Variants in DENND4A observed in about 807,000 individuals in gnomAD.
DENND4A encodes DENN domain containing 4A, also known as C-myc promoter-binding protein.
A neutral mutation model predicts 199.3 loss-of-function variants in DENND4A; 70 were observed. The ratio of observed to expected loss-of-function variants is 0.35; its 90% CI spans 0.29 to 0.43. The LOEUF is 0.43. Among genes scored for constraint, DENND4A ranks in the 20% least tolerant of loss-of-function variants. DENND4A has a pLI of 1.00. For missense variants in DENND4A, 1,723 were observed against 2,255.8 expected (o/e 0.76, Z 4.78); for synonymous variants, 686 against 766.9 (o/e 0.89, Z 1.74).
intron 25 of DENND4A, 115 bp from the exon 26 acceptor site, chr15:65,670,303 T>C: frequency 1.2e-6 from 1 of 852,946 alleles, no homozygotes; most frequent in Non-Finnish European, 1.7e-6. Flanking sequence ...ATTCAGATGC[T>C]ATACACAAAC....
chr15:65,693,496 G>C (rs1017316176), intron 22 of DENND4A, among the ~76,000 whole-genome samples: 4 of 152,038 alleles, frequency 2.6e-5, no homozygotes, highest in African/African-American at 4.8e-5. Context: ...ACTTAAAGCT[G>C]AAAGTATGCC....
chr15:65,676,932 G>A (rs2076400654), intron 23 of DENND4A, among the ~76,000 whole-genome samples: 1 of 152,054 alleles, frequency 6.6e-6, no homozygotes, highest in Non-Finnish European at 1.5e-5. Context: ...TCTCTGACAA[G>A]GTATCACCCA....
chr15:65,663,121 C>T (rs142683239), intron 32 of DENND4A, among the ~76,000 whole-genome samples: 88 of 150,776 alleles, frequency 5.8e-4, no homozygotes, highest in Middle Eastern at 3.5e-3. Flanking sequence ...ATCCCAATGC[C>T]ATTTAATAGT....
At position 65,691,362 on chromosome 15, in the gene DENND4A, G is replaced by C; in HGVS notation, c.3232C>G (p.Leu1078Val). Residue 1078 changes from leucine to valine, a missense_variant, in exon 23 of 33, where the codon CTT becomes GTT. Leu to Val is a conservative substitution (Grantham distance 32). Coordinates refer to ENST00000443035, the MANE Select transcript of DENND4A (RefSeq NM_001320835.1). ...AATCCCATCAGTACCCCTCCACTAA[G>C]ATTACGGTTTCTATTTCCCCAGACC... ...QVVWGNRNRN[L>V]SGGVLMGFML... 1 of 1,613,544 alleles carries C rather than the reference G, an allele frequency of 6.2e-7. No individual in the cohort carries two copies. Among genetic ancestry groups the C allele is most frequent in the Non-Finnish European group, 8.5e-7 (1 of 1,179,728 alleles).
At chr15:65,689,106 T>A (rs1190614831) in intron 23 of DENND4A, among the ~76,000 whole-genome samples, 2 of 152,230 alleles carry the variant, frequency 1.3e-5, no homozygotes, top group Non-Finnish European at 2.9e-5. Context: ...AGGTAATGCA[T>A]CTCTTCTCTC....
At chr15:65,708,959 T>C (rs1245385150) in intron 14 of DENND4A, among the ~76,000 whole-genome samples, 2 of 152,240 alleles carry the variant, frequency 1.3e-5, no homozygotes, top group African/African-American at 4.8e-5. Flanking sequence ...TCCAGCTTTT[T>C]AAAGTCGGTC....
rs545971017 is a variant in DENND4A at position 65,771,830 on chromosome 15, G to A, written c.-101-10392C>T. 354 of 1,613,066 alleles carry A rather than the reference G, an allele frequency of 2.2e-4. 1 individual carries two copies. The African/African-American group carries it at 4.3e-3, about 19-fold the overall frequency. On this transcript the variant is annotated intron_variant, in intron 1 of 32. Transcript: ENST00000443035. ...AGGTCATACTGTTTTCGCTTTTCTG[G>A]ATTACTTAAAACAGCATAAGCATTC...
intron 12 of DENND4A, among the ~76,000 whole-genome samples, chr15:65,720,183 A>G (rs1025550269): frequency 4.7e-4 from 71 of 152,180 alleles, no homozygotes; most frequent in Admixed American, 2.0e-4. Context: ...TCTGATTTTT[A>G]TGGTTACATT....
intron 1 of DENND4A, among the ~76,000 whole-genome samples, chr15:65,784,902 C>T (rs1267985737): frequency 2.0e-5 from 3 of 152,096 alleles, no homozygotes; most frequent in Non-Finnish European, 4.4e-5. Context: ...AATCCCAGCA[C>T]TTTGGGAGCC....
Position 65,788,296 on chromosome 15 carries a change from C to T in DENND4A, c.-102+3714G>A, listed in dbSNP as rs541484518. 8.5e-5 allele frequency among the ~76,000 whole-genome samples: 13 copies of T among 152,164 alleles called. No homozygotes were observed. In the South Asian group the frequency reaches 2.7e-3, roughly 32 times the overall value. Reference sequence around the variant, plus strand: ...TTCACCGTGTTAGCCAGGATGGTCTCGATCTCCTGACCTTGCGATCCGCCC... The same window carrying T: ...TTCACCGTGTTAGCCAGGATGGTCTTGATCTCCTGACCTTGCGATCCGCCC... On this transcript the variant is annotated intron_variant, in intron 1 of 32. Transcript: ENST00000443035.
chr15:65,732,766 G>A lies in DENND4A; in HGVS notation c.1093C>T (p.Arg365Trp). 1.9e-6 allele frequency: 3 copies of A among 1,600,722 alleles called. No individual in the cohort carries two copies. Among genetic ancestry groups the A allele is most frequent in the Non-Finnish European group, 2.6e-6 (3 of 1,169,846 alleles). The change falls in exon 8 of 33, where the codon CGG becomes TGG. Residue 365 changes from arginine (R) to tryptophan (W), a missense_variant. Arg to Trp is a moderately radical substitution (Grantham distance 101). Around this residue, in one of 6 missense-constraint regions of DENND4A, gnomAD observed 725 missense variants for 952.9 expected, o/e 0.76. Coordinates refer to ENST00000443035, the MANE Select transcript of DENND4A (RefSeq NM_001320835.1). Reference sequence around the variant, plus strand: ...AAAAACCTTACCTGAACTAAAATCCGTGGTCTCTGAGGAGATGGAAAAGGA... The same window carrying A: ...AAAAACCTTACCTGAACTAAAATCCATGGTCTCTGAGGAGATGGAAAAGGA... ...KVPFPSPQRP[R>W]ILVQLSPHDN...
At chr15:65,787,100 G>A (rs2077585358) in intron 1 of DENND4A, among the ~76,000 whole-genome samples, 4 of 152,028 alleles carry the variant, frequency 2.6e-5, no homozygotes, top group Admixed American at 2.6e-4. Context: ...GGGTATGTGG[G>A]TGTATACATT....
chr15:65,727,980 T>G (rs576958079), intron 11 of DENND4A: 1 of 174,472 alleles, frequency 5.7e-6, no homozygotes, highest in East Asian at 1.8e-4. Flanking sequence ...AGCATTATTT[T>G]ACTATGATGA....
At chr15:65,676,141 A>ATATATATATATATATATATAT (rs1555413335) in intron 24 of DENND4A, among the ~76,000 whole-genome samples, 1 of 110,452 alleles carries the variant, frequency 9.1e-6, no homozygotes, top group African/African-American at 3.0e-5. Flanking sequence ...AATAAGGAAA[A>ATATATATATATATATATATAT]ATATATATAT....
At chr15:65,772,639 G>A (rs994778028) in intron 1 of DENND4A, among the ~76,000 whole-genome samples, 4 of 148,426 alleles carry the variant, frequency 2.7e-5, no homozygotes, top group Admixed American at 6.8e-5. Flanking sequence ...CCTGGGAGGC[G>A]GAGGTTGCAG....
At chr15:65,724,607 G>A (rs1389121105) in intron 11 of DENND4A, among the ~76,000 whole-genome samples, 1 of 151,840 alleles carries the variant, frequency 6.6e-6, no homozygotes, top group Non-Finnish European at 1.5e-5. Flanking sequence ...AAAAAGAGTG[G>A]GATAAGAAAG....
Position 65,756,347 on chromosome 15 carries a change from C to T in DENND4A, c.104G>A (p.Cys35Tyr). The change falls in exon 3 of 33, where the codon TGT becomes TAT. Residue 35 changes from cysteine to tyrosine, a missense_variant. Physicochemically the swap from Cys to Tyr is radical, Grantham distance 194. Coordinates refer to ENST00000443035, the MANE Select transcript of DENND4A (RefSeq NM_001320835.1). Reference protein sequence around the residue: ...LEEEIHFNDACHKVAKPKEPI... With the variant: ...LEEEIHFNDAYHKVAKPKEPI... ...TTCTTTTGGTTTAGCTACTTTATGACAAGCATCATTGAAGTGAATTTCTTC... is the reference window on the plus strand; with the variant it reads ...TTCTTTTGGTTTAGCTACTTTATGATAAGCATCATTGAAGTGAATTTCTTC... 1 of 1,613,852 alleles carries T rather than the reference C, an allele frequency of 6.2e-7. No homozygotes were observed. The highest frequency in any genetic ancestry group is 1.1e-5 in the South Asian group (1 of 91,072).
At chr15:65,682,174 G>A (rs2141989976) in intron 23 of DENND4A, among the ~76,000 whole-genome samples, 1 of 152,208 alleles carries the variant, frequency 6.6e-6, no homozygotes, top group South Asian at 2.1e-4. Context: ...CTGGACGCCG[G>A]ACACTGACTT....
chr15:65,768,842 A>AAAAT (rs2077051682), intron 1 of DENND4A, among the ~76,000 whole-genome samples: 1 of 151,938 alleles, frequency 6.6e-6, no homozygotes, highest in Admixed American at 6.6e-5. Context: ...AAAAAAGAAA[A>AAAAT]AAATAGCCGG....
Sources: gnomAD v4.1 joint callset for allele counts (sites outside exome capture counted in the v4.1 genomes callset) on GRCh38, gnomAD v4.1.1 for gene constraint, gnomAD v4.1.1 regional missense constraint, MANE v1.5 for transcripts, NCBI Gene and HGNC (gene_info 2026-07-23, HGNC 2026-07-21) for gene names.